Variants in WDR72 observed in about 807,000 individuals in gnomAD.
The protein encoded by WDR72 is WD repeat domain 72.
A neutral mutation model predicts 124.2 loss-of-function variants in WDR72; 120 were observed. That is an observed-to-expected ratio of 0.97 (90% CI 0.83 to 1.12). The LOEUF (loss-of-function observed/expected upper bound fraction) is 1.12. Ranked by LOEUF, WDR72 falls within the 50% of genes most tolerant of loss-of-function variation. The pLI is 0.00. For synonymous variants in WDR72, 452 were observed against 441.7 expected, an observed-to-expected ratio of 1.02 and a Z score of -0.29; for missense variants, 1,387 against 1,278.8, an observed-to-expected ratio of 1.08 and a Z score of -1.29.
At chr15:53,693,174 T>C (rs765938047) in intron 13 of WDR72, among the ~76,000 whole-genome samples, 2 of 152,232 alleles carry the variant, frequency 1.3e-5, no homozygotes, top group Non-Finnish European at 2.9e-5. Flanking sequence ...TTTCTGAGAA[T>C]GGTATAGTTG....
intron 2 of WDR72, among the ~76,000 whole-genome samples, chr15:53,727,656 A>G (rs2018081193): frequency 6.6e-6 from 1 of 152,184 alleles, no homozygotes. Context: ...CCAGTCTATT[A>G]GAAGCCAAAT....
intron 14 of WDR72, among the ~76,000 whole-genome samples, chr15:53,634,092 T>C (rs1801306106): frequency 6.6e-6 from 1 of 152,216 alleles, no homozygotes; most frequent in Admixed American, 6.5e-5. Context: ...TCCTGAGTAA[T>C]TCATAGTTTA....
intron 18 of WDR72, among the ~76,000 whole-genome samples, chr15:53,575,958 C>T (rs143140386): frequency 9.2e-4 from 140 of 152,200 alleles, no homozygotes; most frequent in African/African-American, 3.3e-3. Context: ...CCACTGGTCT[C>T]CCTGCTTATA....
At chr15:53,584,559 T>C (rs1430658819) in intron 18 of WDR72, among the ~76,000 whole-genome samples, 3 of 152,014 alleles carry the variant, frequency 2.0e-5, no homozygotes, top group Non-Finnish European at 4.4e-5. Context: ...AAACACTAAA[T>C]AGATACTTGG....
rs1457001811 is a variant in WDR72, at chr15:53,616,113, A to G, written c.2093T>C (p.Leu698Pro). 6.2e-7 allele frequency: 1 copy of G among 1,604,740 alleles called. No homozygotes were observed. Among genetic ancestry groups the G allele is most frequent in the South Asian group, 1.1e-5 (1 of 90,220 alleles). ...NLVELLLPTP[L>P]SDVDSSSSFY... ...TGAACTGGAAGAGTCAACATCACTG[A>G]GTGGAGTTGGTAGCAAAAGTTCAAC... The change falls in exon 15 of 20, where the codon CTC (leucine) becomes CCC (proline). Residue 698 changes from leucine to proline, a missense_variant. Coordinates refer to ENST00000360509, the MANE Select transcript of WDR72 (RefSeq NM_182758.4).
chr15:53,725,619 C>G (rs904795163), intron 2 of WDR72, among the ~76,000 whole-genome samples: 1 of 151,950 alleles, frequency 6.6e-6, no homozygotes, highest in East Asian at 1.9e-4. Flanking sequence ...TATTACTCAG[C>G]GCTAAAAAGA....
At chr15:53,645,989 C>A (rs2015027479) in intron 14 of WDR72, among the ~76,000 whole-genome samples, 3 of 152,104 alleles carry the variant, frequency 2.0e-5, no homozygotes, top group Admixed American at 2.0e-4. Flanking sequence ...CCAAAACTGT[C>A]CCAGGGAACC....
At chr15:53,658,968 C>T (rs574573371) in intron 14 of WDR72, among the ~76,000 whole-genome samples, 1 of 152,298 alleles carries the variant, frequency 6.6e-6, no homozygotes, top group African/African-American at 2.4e-5. Context: ...TATTTGGCTG[C>T]TGTCAAAGCC....
chr15:53,757,057 C>T (rs1285188889), intron 1 of WDR72, among the ~76,000 whole-genome samples: 1 of 152,184 alleles, frequency 6.6e-6, no homozygotes, highest in African/African-American at 2.4e-5. Context: ...ATATCTCTCT[C>T]ATTTTGAAGA....
Position 53,514,499 on chromosome 15 carries a change from A to G in WDR72, c.*3200T>C, listed in dbSNP as rs1353230816. ...AAAGTGTTCATTATAATAATTATGA[A>G]AGGATTTTAAAAATACAGAACACTG... On this transcript the variant is annotated 3_prime_UTR_variant, in exon 20 of 20. Transcript: ENST00000360509. 6.6e-6 allele frequency: 1 copy of G among 152,178 alleles called. No individual in the cohort carries two copies. Among genetic ancestry groups the G allele is most frequent in the East Asian group, 1.9e-4 (1 of 5,190 alleles). The allele number at this position is 152,178 out of a possible 1,614,324, so 9.4% of individuals were successfully genotyped here.
At chr15:53,568,042 C>A (rs1894364155) in intron 18 of WDR72, among the ~76,000 whole-genome samples, 1 of 137,428 alleles carries the variant, frequency 7.3e-6, no homozygotes. Flanking sequence ...TGCTCCAAAT[C>A]AAGATTTGAT....
At chr15:53,548,730 T>C (rs942975680) in intron 18 of WDR72, among the ~76,000 whole-genome samples, 1 of 152,062 alleles carries the variant, frequency 6.6e-6, no homozygotes, top group African/African-American at 2.4e-5. Flanking sequence ...TTATAAGTGT[T>C]TGTAAGATTT....
intron 18 of WDR72, among the ~76,000 whole-genome samples, chr15:53,537,092 T>C (rs1311920315): frequency 6.6e-6 from 1 of 152,210 alleles, no homozygotes; most frequent in Non-Finnish European, 1.5e-5. Context: ...ATCTAATAGA[T>C]TGCTGACTTA....
upstream of WDR72, among the ~76,000 whole-genome samples, chr15:53,760,369 T>C (rs523677): frequency 0.071 from 9,867 of 138,810 alleles, 651 homozygotes; most frequent in African/African-American, 0.18. Context: ...CCTCCTACTC[T>C]CTATCTTCAT....
intron 2 of WDR72, among the ~76,000 whole-genome samples, chr15:53,728,783 T>C (rs184784764): frequency 6.3e-4 from 96 of 152,252 alleles, no homozygotes; most frequent in Non-Finnish European, 7.4e-5. Context: ...AGCTCCTCAC[T>C]GGTAGACTTC....
Position 53,756,501 on chromosome 15 carries a change from C to T in WDR72, c.-13+3132G>A, listed in dbSNP as rs148400983. 8.1e-3 allele frequency among the ~76,000 whole-genome samples: 1,240 copies of T among 152,268 alleles called. 16 individuals are homozygous for T. Among genetic ancestry groups the T allele is most frequent in the African/African-American group, 0.028 (1,168 of 41,544 alleles). ...AAATGTCAATTAACCAAAAGGTTGA[C>T]TGGTTCAGTAAATTACATCTCCCTC... is the stretch of plus-strand genomic sequence containing the variant. On this transcript the variant is annotated intron_variant, in intron 1 of 19. Transcript: ENST00000360509.
chr15:53,612,353 T>C (rs1321482677), intron 16 of WDR72, among the ~76,000 whole-genome samples: 2 of 151,980 alleles, frequency 1.3e-5, no homozygotes, highest in Non-Finnish European at 2.9e-5. Context: ...AGATGTCAGA[T>C]AGATAGTGAA....
At chr15:53,533,677 T>C (rs1044284980) in intron 18 of WDR72, among the ~76,000 whole-genome samples, 8 of 152,164 alleles carry the variant, frequency 5.3e-5, no homozygotes, top group Non-Finnish European at 1.0e-4. Context: ...CAGCCTCTGA[T>C]ATCATCACTA....
intron 14 of WDR72, among the ~76,000 whole-genome samples, chr15:53,641,829 A>T (rs2014863511): frequency 6.6e-6 from 1 of 151,708 alleles, no homozygotes; most frequent in South Asian, 2.1e-4. Flanking sequence ...CATGCTGAAC[A>T]TTATTTTTTG....
Sources: gnomAD v4.1 joint callset for allele counts (sites outside exome capture counted in the v4.1 genomes callset) on GRCh38, gnomAD v4.1.1 for gene constraint, MANE v1.5 for transcripts, NCBI Gene and HGNC (gene_info 2026-07-23, HGNC 2026-07-21) for gene names.